The following TAOK3 variants were observed in gnomAD, a reference collection of about 807,000 sequenced individuals.
TAOK3 encodes the protein serine/threonine-protein kinase TAO3.
In TAOK3, 40 loss-of-function variants were observed where a neutral mutation model predicts 120.4. That is an observed-to-expected ratio of 0.33 (90% CI 0.26 to 0.43). The LOEUF (loss-of-function observed/expected upper bound fraction) is 0.43. TAOK3 is among the 20% of genes least tolerant of loss of function. The pLI, the probability that TAOK3 is intolerant of heterozygous loss-of-function variation, is 1.00. For missense variants in TAOK3, 821 were observed against 1,112.1 expected (o/e 0.74, Z 3.72); for synonymous variants, 355 against 387.5 (o/e 0.92, Z 0.99).
intron 1 of TAOK3, among the ~76,000 whole-genome samples, chr12:118,285,672 T>C (rs1035345214): frequency 1.1e-4 from 17 of 152,236 alleles, no homozygotes; most frequent in African/African-American, 1.4e-4. Flanking sequence ...ACATGCTATA[T>C]AATTTTTAAA....
At chr12:118,233,867 T>C (rs1443086180) in intron 8 of TAOK3, 102 bp from the exon 9 acceptor site, 10 of 719,844 alleles carry the variant, frequency 1.4e-5, no homozygotes, top group Non-Finnish European at 2.4e-6. Flanking sequence ...ATTCTGAAAT[T>C]TTATCTGATA....
chr12:118,323,828 G>C (rs1319455020), intron 1 of TAOK3, among the ~76,000 whole-genome samples: 1 of 152,152 alleles, frequency 6.6e-6, no homozygotes, highest in African/African-American at 2.4e-5. Flanking sequence ...CAGGGATCTT[G>C]TAGGGAGGTC....
intron 1 of TAOK3, among the ~76,000 whole-genome samples, chr12:118,360,197 G>A (rs1200256067): frequency 3.1e-4 from 47 of 151,676 alleles, no homozygotes; most frequent in African/African-American, 1.0e-3. Flanking sequence ...CCCAGGAGGC[G>A]GAGGCTGCAG....
At chr12:118,213,295 A>C (rs1386265520) in intron 10 of TAOK3, among the ~76,000 whole-genome samples, 1 of 152,110 alleles carries the variant, frequency 6.6e-6, no homozygotes, top group East Asian at 1.9e-4. Context: ...TTTTATATAC[A>C]TTTTTCTCTC....
At chr12:118,316,700 C>A (rs2043474324) in intron 1 of TAOK3, among the ~76,000 whole-genome samples, 1 of 152,074 alleles carries the variant, frequency 6.6e-6, no homozygotes, top group South Asian at 2.1e-4. Context: ...CAGGCATGAG[C>A]CATCGTGGCT....
intron 19 of TAOK3, among the ~76,000 whole-genome samples, chr12:118,157,993 C>T (rs973711502): frequency 6.6e-6 from 1 of 152,192 alleles, no homozygotes. Flanking sequence ...TCATTCAATG[C>T]TCTATAATGT....
intron 1 of TAOK3, among the ~76,000 whole-genome samples, chr12:118,280,991 C>G (rs961301691): frequency 1.8e-4 from 28 of 151,902 alleles, no homozygotes; most frequent in Non-Finnish European, 5.9e-5. Flanking sequence ...TGATTTGGCT[C>G]TTGGCTTGGA....
chr12:118,230,052 T>A (rs904265017), intron 9 of TAOK3, among the ~76,000 whole-genome samples: 5 of 152,250 alleles, frequency 3.3e-5, no homozygotes, highest in African/African-American at 1.2e-4. Flanking sequence ...TCATTATTTC[T>A]ATTTTACAGA....
intron 14 of TAOK3, among the ~76,000 whole-genome samples, chr12:118,188,451 T>C (rs2037207835): frequency 6.6e-6 from 1 of 152,154 alleles, no homozygotes; most frequent in Non-Finnish European, 1.5e-5. Context: ...TCCTTTAAAA[T>C]GAAAAATTGC....
chr12:118,216,624 G>C (rs2038915099), intron 9 of TAOK3, among the ~76,000 whole-genome samples: 1 of 152,088 alleles, frequency 6.6e-6, no homozygotes, highest in Non-Finnish European at 1.5e-5. Flanking sequence ...AGTTGTTACG[G>C]AATAGAAGAT....
chr12:118,347,565 C>T (rs1001658671), intron 1 of TAOK3, among the ~76,000 whole-genome samples: 7 of 152,282 alleles, frequency 4.6e-5, no homozygotes, highest in African/African-American at 1.4e-4. Flanking sequence ...CTTCCATAAC[C>T]TCTATGCCGC....
chr12:118,206,633 T>G (rs902056813), intron 11 of TAOK3, among the ~76,000 whole-genome samples: 2 of 152,030 alleles, frequency 1.3e-5, no homozygotes, highest in Non-Finnish European at 2.9e-5. Flanking sequence ...AGTCTTGCTG[T>G]GTCGCCAGGC....
chr12:118,347,052 G>A (rs1215271232), intron 1 of TAOK3, among the ~76,000 whole-genome samples: 1 of 152,088 alleles, frequency 6.6e-6, no homozygotes, highest in Non-Finnish European at 1.5e-5. Flanking sequence ...AGGCTAGAGT[G>A]CGGTGGCACG....
At chr12:118,352,105 C>G (rs2045194921) in intron 1 of TAOK3, among the ~76,000 whole-genome samples, 1 of 151,918 alleles carries the variant, frequency 6.6e-6, no homozygotes. Context: ...ATCTCCTGAC[C>G]TCGTGGTCCG....
At chr12:118,268,207 T>C (rs1315210356) in intron 1 of TAOK3, among the ~76,000 whole-genome samples, 1 of 152,234 alleles carries the variant, frequency 6.6e-6, no homozygotes, top group Non-Finnish European at 1.5e-5. Context: ...TTTGTTGAAC[T>C]ATTGAAAATT....
intron 10 of TAOK3, 93 bp from the exon 11 acceptor site, chr12:118,213,088 A>G: frequency 1.5e-6 from 1 of 686,196 alleles, no homozygotes; most frequent in East Asian, 3.1e-5. Context: ...AAAATTTTGC[A>G]TTTAAGGAGA....
chr12:118,189,871 A>C lies in TAOK3; in HGVS notation c.1265T>G (p.Val422Gly). The change falls in exon 14 of 21, where the codon GTT becomes GGT. Residue 422 changes from valine to glycine, a missense_variant. Around this residue, in one of 2 missense-constraint regions of TAOK3, gnomAD observed 467 missense variants for 540.0 expected, o/e 0.86. Coordinates refer to ENST00000392533, the MANE Select transcript of TAOK3 (RefSeq NM_016281.4). ...PRPEPRPTQSVQSQALHYRNR... is the reference protein window; with the variant it reads ...PRPEPRPTQSGQSQALHYRNR... ...CCGGTAGTGGAGGGCCTGGCTCTGA[A>C]CTGACTGGGTAGGCCGCGGCTCAGG... 1 of 1,614,198 alleles carries C rather than the reference A, an allele frequency of 6.2e-7. No individual in the cohort carries two copies. The highest frequency in any genetic ancestry group is 8.5e-7 in the Non-Finnish European group (1 of 1,180,028).
At chr12:118,224,726 G>T (rs917528864) in intron 9 of TAOK3, among the ~76,000 whole-genome samples, 1 of 152,140 alleles carries the variant, frequency 6.6e-6, no homozygotes, top group Non-Finnish European at 1.5e-5. Flanking sequence ...TGTAAAGTTT[G>T]ATCTTTAGGA....
chr12:118,216,088 C>T (rs1742435118), intron 9 of TAOK3, among the ~76,000 whole-genome samples: 1 of 152,164 alleles, frequency 6.6e-6, no homozygotes, highest in South Asian at 2.1e-4. Flanking sequence ...ATCCCACCTA[C>T]TTGGGAGGTT....
Sources: allele counts gnomAD v4.1 joint callset (sites outside exome capture counted in the v4.1 genomes callset), GRCh38; gene constraint gnomAD v4.1.1; regional missense constraint gnomAD v4.1.1; transcripts MANE v1.5; gene names NCBI Gene and HGNC (gene_info 2026-07-23, HGNC 2026-07-21).